The following ZFYVE28 variants were observed in gnomAD, a reference collection of about 807,000 sequenced individuals.
ZFYVE28 encodes the protein zinc finger FYVE-type containing 28, also known as lateral signaling target protein 2 homolog.
A neutral mutation model predicts 82.1 loss-of-function variants in ZFYVE28; 40 were observed. The observed-to-expected ratio is 0.49, with a 90% CI of 0.38 to 0.63. ZFYVE28 has a LOEUF of 0.63. Among genes scored for constraint, ZFYVE28 ranks in the 30% least tolerant of loss-of-function variants. ZFYVE28 has a pLI of 0.00. For synonymous variants in ZFYVE28, 612 were observed against 546.1 expected (o/e 1.12, Z -1.68); for missense variants, 1,321 against 1,242.1 (o/e 1.06, Z -0.96).
At chr4:2,322,259 A>C (rs1464946201) in intron 6 of ZFYVE28, among the ~76,000 whole-genome samples, 1 of 151,980 alleles carries the variant, frequency 6.6e-6, no homozygotes, top group Non-Finnish European at 1.5e-5. Context: ...TTGTCTCTGC[A>C]CCTGGCCTGG....
In ZFYVE28 at chr4:2,417,647, C is replaced by A. The variant is rs1733232286; in HGVS notation, c.39+638G>T. Among the ~76,000 whole-genome samples, 1 of 151,836 alleles carries A rather than the reference C, an allele frequency of 6.6e-6. No homozygotes were observed. Among genetic ancestry groups the A allele is most frequent in the Non-Finnish European group, 1.5e-5 (1 of 67,914 alleles). ...ACAAGGGAGGGGACGCGAACTGGGC[C>A]GAGGTGTGGGTCAGTCCTGGTTCGG... On this transcript the variant is annotated intron_variant, in intron 1 of 12. Transcript: ENST00000290974. This position sits in a 1 kb window ranked among gnomAD's most constrained non-coding sequence, Gnocchi z 4.8.
intron 2 of ZFYVE28, among the ~76,000 whole-genome samples, chr4:2,346,854 G>GA (rs1335852854): frequency 1.3e-5 from 2 of 151,608 alleles, no homozygotes; most frequent in African/African-American, 2.4e-5. Flanking sequence ...AAAAAAGAAG[G>GA]AAAAAAAGAG....
chr4:2,327,305 TATATCGAA>T (rs1720030648), intron 6 of ZFYVE28, among the ~76,000 whole-genome samples: 1 of 60,934 alleles, frequency 1.6e-5, no homozygotes, highest in African/African-American at 5.4e-5. Context: ...TATATATATA[TATATCGAA>T]TAAAGTTGCC....
intron 8 of ZFYVE28, among the ~76,000 whole-genome samples, chr4:2,299,587 A>T (rs1243855889): frequency 1.0e-5 from 1 of 98,768 alleles, no homozygotes; most frequent in Non-Finnish European, 2.2e-5. Flanking sequence ...AGCCTGGGCA[A>T]CCAAGGGAGA....
At chr4:2,370,949 C>T (rs373846374) in intron 1 of ZFYVE28, among the ~76,000 whole-genome samples, 4 of 152,346 alleles carry the variant, frequency 2.6e-5, no homozygotes, top group African/African-American at 7.2e-5. Context: ...TGAGAAGACA[C>T]GGTGCCCACT....
chr4:2,377,886 T>C (rs1321681069), intron 1 of ZFYVE28, among the ~76,000 whole-genome samples: 1 of 152,222 alleles, frequency 6.6e-6, no homozygotes, highest in Non-Finnish European at 1.5e-5. Context: ...CAAGCCTAGA[T>C]GACCCCGCCT....
At chr4:2,282,183 C>T (rs17132398) in intron 8 of ZFYVE28, among the ~76,000 whole-genome samples, 8,466 of 152,314 alleles carry the variant, frequency 0.056, 572 homozygotes, top group East Asian at 0.17. Context: ...GCCAGACACT[C>T]CCGCACCGGC....
In ZFYVE28 at chr4:2,409,261, C is replaced by G. The variant is rs1473539646; in HGVS notation, c.39+9024G>C. On this transcript the variant is annotated intron_variant, in intron 1 of 12. Coordinates refer to ENST00000290974, the MANE Select transcript of ZFYVE28 (RefSeq NM_020972.3). This position sits in a 1 kb window ranked among gnomAD's most constrained non-coding sequence, Gnocchi z 4.4. The stretch of plus-strand genomic sequence containing the variant: ...GGTCCCACCCCCACCAGGCCCAGAT[C>G]CATCTACTTTCTCCATCCAGAGTCG... 6.6e-6 allele frequency among the ~76,000 whole-genome samples: 1 copy of G among 151,072 alleles called. No individual in the cohort carries two copies. Among genetic ancestry groups the G allele is most frequent in the Non-Finnish European group, 1.5e-5 (1 of 67,760 alleles).
In ZFYVE28 at chr4:2,321,986, C is replaced by A. The variant is rs555267034; in HGVS notation, c.702-1715G>T. Among the ~76,000 whole-genome samples the A allele has an allele frequency of 3.3e-5, 5 of 152,270 alleles. No individual in the cohort carries two copies. The South Asian group carries it at 8.3e-4, about 25-fold the overall frequency. On this transcript the variant is annotated intron_variant, in intron 6 of 12. Transcript: ENST00000290974. Reference sequence around the variant, plus strand: ...GGAGGCTCAGACCCCAAGGCTGCTGCGCCACTTCCTCCTGGGAGCCTGCGG... The same window carrying A: ...GGAGGCTCAGACCCCAAGGCTGCTGAGCCACTTCCTCCTGGGAGCCTGCGG...
chr4:2,341,294 C>A lies in ZFYVE28; in HGVS notation c.318+184G>T. 1 of 761,674 alleles carries A rather than the reference C, an allele frequency of 1.3e-6. No homozygotes were observed. The allele number at this position is 761,674 out of a possible 1,614,324, so 47.2% of individuals were successfully genotyped here. On this transcript the variant is annotated intron_variant, in intron 3 of 12. Coordinates refer to ENST00000290974, the MANE Select transcript of ZFYVE28 (RefSeq NM_020972.3). The surrounding 1 kb of genome is among the most constrained non-coding windows in gnomAD (Gnocchi z 4.5). Reference sequence around the variant, plus strand: ...TTGGGGGCACCAGTTCATGGCTTTCCCAGATCCTCCAGGGGTGCACGGCCT... The same window carrying A: ...TTGGGGGCACCAGTTCATGGCTTTCACAGATCCTCCAGGGGTGCACGGCCT...
rs1464010357 is a variant in ZFYVE28, at chr4:2,271,837, G to T, written c.2324-58C>A. ...GAGGGAGGCGGGCAATTGATGCAGGGTCACCTGCACTTGCTGGGCACAGCT... is the reference window on the plus strand; with the variant it reads ...GAGGGAGGCGGGCAATTGATGCAGGTTCACCTGCACTTGCTGGGCACAGCT... On this transcript the variant is annotated intron_variant, in intron 10 of 12. Transcript: ENST00000290974. 3.4e-6 allele frequency: 5 copies of T among 1,482,618 alleles called. No individual in the cohort carries two copies. In the Admixed American group the frequency reaches 8.4e-5, roughly 25 times the overall value. The allele number at this position is 1,482,618 out of a possible 1,614,324, so 91.8% of individuals were successfully genotyped here. A position where few individuals can be genotyped will look rare whatever the true frequency, so the allele number is the denominator to read the frequency against.
chr4:2,308,453 T>A (rs1242529688), intron 7 of ZFYVE28, among the ~76,000 whole-genome samples: 1 of 133,264 alleles, frequency 7.5e-6, no homozygotes, highest in Non-Finnish European at 1.5e-5. Context: ...GCCCCTTGCA[T>A]CTCCACATGC....
At chr4:2,347,405 A>G (rs1452366495) in intron 2 of ZFYVE28, among the ~76,000 whole-genome samples, 1 of 152,214 alleles carries the variant, frequency 6.6e-6, no homozygotes, top group Non-Finnish European at 1.5e-5. Context: ...CAATGCTGCT[A>G]AAACAACCTG....
intron 1 of ZFYVE28, among the ~76,000 whole-genome samples, chr4:2,402,996 A>G (rs1731360748): frequency 6.6e-6 from 1 of 152,248 alleles, no homozygotes; most frequent in Admixed American, 6.5e-5. Flanking sequence ...GGGAGTCTCC[A>G]TGAGGCTGGC....
intron 7 of ZFYVE28, among the ~76,000 whole-genome samples, chr4:2,312,353 C>G (rs1332800674): frequency 6.6e-6 from 1 of 152,102 alleles, no homozygotes; most frequent in Non-Finnish European, 1.5e-5. Flanking sequence ...GCCTGGGCAA[C>G]ATAGTGTGAT....
At chr4:2,314,541 ATTTTAG>A (rs1174653953) in intron 7 of ZFYVE28, among the ~76,000 whole-genome samples, 1 of 151,780 alleles carries the variant, frequency 6.6e-6, no homozygotes, top group East Asian at 1.9e-4. Context: ...CATCTTTATT[ATTTTAG>A]TGTTATCCTA....
rs750151225 is a variant in ZFYVE28 at position 2,271,660 on chromosome 4, G to C, written c.2428+15C>G. ...GTGTCTAGTGCAGTGTCCTGACCCA[G>C]AGCCTCCCACACACCTTCAAAGTCC... On this transcript the variant is annotated intron_variant, in intron 11 of 12. Coordinates refer to ENST00000290974, the MANE Select transcript of ZFYVE28 (RefSeq NM_020972.3). 2 of 1,612,458 alleles carry C rather than the reference G, an allele frequency of 1.2e-6. No individual in the cohort carries two copies. Among genetic ancestry groups the C allele is most frequent in the Non-Finnish European group, 1.7e-6 (2 of 1,178,846 alleles).
intron 8 of ZFYVE28, among the ~76,000 whole-genome samples, chr4:2,279,416 C>T (rs779074489): frequency 6.6e-5 from 10 of 151,502 alleles, no homozygotes; most frequent in South Asian, 2.1e-4. Flanking sequence ...GAAGACAGAG[C>T]GAGACTCCGT....
At chr4:2,406,534 C>T (rs1012301628) in intron 1 of ZFYVE28, 3 of 152,254 alleles carry the variant, frequency 2.0e-5, no homozygotes, top group African/African-American at 7.2e-5. Context: ...CTTTGAGCGC[C>T]GTGCTTACCT....
Sources: allele counts gnomAD v4.1 joint callset (sites outside exome capture counted in the v4.1 genomes callset), GRCh38; gene constraint gnomAD v4.1.1; non-coding constraint Gnocchi (gnomAD v3.1); transcripts MANE v1.5; gene names NCBI Gene and HGNC (gene_info 2026-07-23, HGNC 2026-07-21).